Variants in KIRREL1 observed in about 807,000 individuals in gnomAD.
KIRREL1 encodes the protein kin of IRRE-like protein 1.
A neutral mutation model predicts 83.3 loss-of-function variants in KIRREL1; 25 were observed. The observed-to-expected ratio is 0.30, with a 90% confidence interval of 0.22 to 0.42. The LOEUF (loss-of-function observed/expected upper bound fraction) is 0.42, where lower values mean the gene tolerates loss of function less well. KIRREL1 is among the 10% of genes least tolerant of loss of function. The pLI is 1.00. For synonymous variants in KIRREL1, 388 were observed against 410.4 expected (o/e 0.95, Z 0.66); for missense variants, 812 against 1,032.3 (o/e 0.79, Z 2.92).
Position 158,088,105 on chromosome 1 carries a change from T to C in KIRREL1, c.867T>C (p.Val289=), listed in dbSNP as rs1056253853. ...TCACGGAGCCTGTGTCTTGTGAGGT[T>C]CACAACAAAGTGGGAAGCACCAATG... is the stretch of plus-strand genomic sequence containing the variant. ...SFFTEPVSCE[V]HNKVGSTNVS... is the part of the protein sequence containing the mutation. Residue 289 remains valine, a synonymous_variant, in exon 7 of 15, where the codon GTT becomes GTC. Transcript: ENST00000359209. 9.3e-6 allele frequency: 15 copies of C among 1,614,176 alleles called. No individual in the cohort carries two copies. Among genetic ancestry groups the C allele is most frequent in the Non-Finnish European group, 1.2e-5 (14 of 1,180,034 alleles).
Position 158,094,464 on chromosome 1 carries a change from G to T in KIRREL1, c.1797+74G>T. On this transcript the variant is annotated intron_variant, in intron 14 of 14. Coordinates refer to ENST00000359209, the MANE Select transcript of KIRREL1 (RefSeq NM_018240.7). The surrounding 1 kb of genome is among the most constrained non-coding windows in gnomAD (Gnocchi z 4.6). Reference sequence around the variant, plus strand: ...GTTTCTGAGGTCCTGTAGCGGGGAGGTGAGGTGAGGACAGACTTGGGGAGG... The same window carrying T: ...GTTTCTGAGGTCCTGTAGCGGGGAGTTGAGGTGAGGACAGACTTGGGGAGG... 6.8e-7 allele frequency: 1 copy of T among 1,466,178 alleles called. No homozygotes were observed. Among genetic ancestry groups the T allele is most frequent in the East Asian group, 2.3e-5 (1 of 43,896 alleles). 90.8% of individuals were successfully genotyped at this position (1,466,178 alleles called of 1,614,324 possible). A position where few individuals can be genotyped will look rare whatever the true frequency, so the allele number is the denominator to read the frequency against.
intron 5 of KIRREL1, among the ~76,000 whole-genome samples, 175 bp from the exon 6 acceptor site, chr1:158,087,580 A>G (rs371061629): frequency 3.9e-5 from 6 of 152,164 alleles, no homozygotes; most frequent in African/African-American, 1.4e-4. Context: ...CAGGCCCCCT[A>G]GAGGCTCCAT....
chr1:158,014,965 A>G (rs73018972), intron 1 of KIRREL1, among the ~76,000 whole-genome samples: 2,789 of 152,290 alleles, frequency 0.018, 38 homozygotes, highest in Middle Eastern at 0.037. Context: ...AATGCTTCTT[A>G]GGATTTTTCC....
chr1:158,061,744 A>C (rs1453613978), intron 1 of KIRREL1, among the ~76,000 whole-genome samples: 1 of 152,194 alleles, frequency 6.6e-6, no homozygotes, highest in Non-Finnish European at 1.5e-5. Context: ...AGACAGGCTC[A>C]TGTGGGAGGC....
intron 1 of KIRREL1, among the ~76,000 whole-genome samples, chr1:158,001,269 A>G (rs1209938108): frequency 2.0e-5 from 3 of 152,344 alleles, no homozygotes; most frequent in East Asian, 1.9e-4. Flanking sequence ...TGCAAAGTGA[A>G]TAATGTACTA....
At chr1:158,055,300 A>G (rs772891308) in intron 1 of KIRREL1, among the ~76,000 whole-genome samples, 1 of 152,082 alleles carries the variant, frequency 6.6e-6, no homozygotes, top group Non-Finnish European at 1.5e-5. Context: ...AGCTGTTTGC[A>G]TCTTGCCAGC....
In KIRREL1 at chr1:158,082,014, G is replaced by C. The variant is rs796170278; in HGVS notation, c.353-2408G>C. Among the ~76,000 whole-genome samples the C allele has an allele frequency of 2.3e-4, 35 of 152,278 alleles. 1 individual carries two copies. Among genetic ancestry groups the C allele is most frequent in the African/African-American group, 7.5e-4 (31 of 41,566 alleles). On this transcript the variant is annotated intron_variant, in intron 3 of 14. Transcript: ENST00000359209. ...GCCTGAGCAGACCAGGAGGCCCTGA[G>C]CAGCAGCTCTTTATTCATTTCTCTC...
chr1:158,095,544 G>A lies in KIRREL1; in HGVS notation c.*424G>A. Reference sequence around the variant, plus strand: ...TGAAGTATGGGAGTGGGTGGCTGTGGCACAGACAGGTGGAAAACGGGATAG... The same window carrying A: ...TGAAGTATGGGAGTGGGTGGCTGTGACACAGACAGGTGGAAAACGGGATAG... On this transcript the variant is annotated 3_prime_UTR_variant, in exon 15 of 15. Coordinates refer to ENST00000359209, the MANE Select transcript of KIRREL1 (RefSeq NM_018240.7). 1.2e-5 allele frequency: 2 copies of A among 163,038 alleles called. No homozygotes were observed. The highest frequency in any genetic ancestry group is 2.6e-5 in the Non-Finnish European group (2 of 75,782). 10.1% of individuals were successfully genotyped at this position (163,038 alleles called of 1,614,324 possible).
chr1:158,008,382 G>A (rs934613279), intron 1 of KIRREL1, among the ~76,000 whole-genome samples: 2 of 152,176 alleles, frequency 1.3e-5, no homozygotes, highest in African/African-American at 4.8e-5. Context: ...GCTGGCACAG[G>A]CTTTATCCCC....
intron 1 of KIRREL1, among the ~76,000 whole-genome samples, chr1:158,002,512 G>T (rs890397317): frequency 3.3e-5 from 5 of 152,228 alleles, no homozygotes; most frequent in South Asian, 2.1e-4. Flanking sequence ...CCCACCAGGG[G>T]GGGTGAGAGC....
intron 1 of KIRREL1, among the ~76,000 whole-genome samples, chr1:158,048,197 A>G (rs1323741539): frequency 6.6e-6 from 1 of 152,202 alleles, no homozygotes; most frequent in African/African-American, 2.4e-5. Context: ...ATATCTAAAC[A>G]CTGTAAATAA....
chr1:158,086,475 G>A, intron 4 of KIRREL1, 121 bp from the exon 5 acceptor site: 1 of 881,204 alleles, frequency 1.1e-6, no homozygotes. Flanking sequence ...GGGAGTGAAG[G>A]GGATTGAGCT....
At chr1:158,018,778 T>G (rs942896767) in intron 1 of KIRREL1, among the ~76,000 whole-genome samples, 1 of 152,170 alleles carries the variant, frequency 6.6e-6, no homozygotes, top group Non-Finnish European at 1.5e-5. Flanking sequence ...TGGGCCAGTT[T>G]GAGAACCATT....
intron 1 of KIRREL1, among the ~76,000 whole-genome samples, chr1:158,031,779 A>C (rs1660333214): frequency 6.6e-6 from 1 of 152,192 alleles, no homozygotes; most frequent in East Asian, 1.9e-4. Flanking sequence ...AAGATTGAAA[A>C]GTCTTCTAAA....
At chr1:158,025,063 C>T (rs1199779235) in intron 1 of KIRREL1, among the ~76,000 whole-genome samples, 2 of 152,192 alleles carry the variant, frequency 1.3e-5, no homozygotes, top group African/African-American at 4.8e-5. Context: ...GAGAAAGCAT[C>T]TTCCATTTTC....
chr1:158,008,188 G>A (rs1465491956), intron 1 of KIRREL1, among the ~76,000 whole-genome samples: 1 of 152,084 alleles, frequency 6.6e-6, no homozygotes, highest in Non-Finnish European at 1.5e-5. Context: ...GAGAGAAGGG[G>A]AGAGTGGGAA....
intron 1 of KIRREL1, among the ~76,000 whole-genome samples, chr1:158,010,433 A>ACACACACACACACG (rs1659651394): frequency 6.7e-6 from 1 of 148,896 alleles, no homozygotes; most frequent in African/African-American, 2.5e-5. Flanking sequence ...ACACACACAC[A>ACACACACACACACG]CACACACACA....
intron 1 of KIRREL1, among the ~76,000 whole-genome samples, chr1:158,060,932 T>C (rs937504360): frequency 6.6e-6 from 1 of 152,088 alleles, no homozygotes; most frequent in Non-Finnish European, 1.5e-5. Flanking sequence ...GGGAAGGAAG[T>C]TCCAGAACTA....
In KIRREL1 at chr1:158,094,959, C is replaced by A. The variant is rs754212465; in HGVS notation, c.2113C>A (p.Arg705=). ...TGGGGCAGCTGGGTACCCCACCTAC[C>A]GACTGGGCTACCCCCAGGCCCCACC... The part of the protein sequence containing the change: ...FPGAAGYPTY[R]LGYPQAPPSG... The change falls in exon 15 of 15, where the codon CGA becomes AGA. Residue 705 remains arginine (R), a synonymous_variant. Coordinates refer to ENST00000359209, the MANE Select transcript of KIRREL1 (RefSeq NM_018240.7). The surrounding 1 kb of genome is among the most constrained non-coding windows in gnomAD (Gnocchi z 4.6). 3.7e-6 allele frequency: 6 copies of A among 1,613,978 alleles called. No homozygotes were observed. Among genetic ancestry groups the A allele is most frequent in the Non-Finnish European group, 5.1e-6 (6 of 1,179,958 alleles).
Sources: allele counts gnomAD v4.1 joint callset (sites outside exome capture counted in the v4.1 genomes callset), GRCh38; gene constraint gnomAD v4.1.1; non-coding constraint Gnocchi (gnomAD v3.1); transcripts MANE v1.5; gene names NCBI Gene and HGNC (gene_info 2026-07-23, HGNC 2026-07-21).